CCDC3: variants seen among roughly 807,000 people sequenced by gnomAD.
CCDC3 encodes coiled-coil domain-containing protein 3.
Under a neutral mutation model 21.4 loss-of-function variants are expected in CCDC3, and 24 were observed. The observed-to-expected ratio is 1.12, with a 90% CI of 0.81 to 1.58. CCDC3 has a LOEUF of 1.58. Among genes scored for constraint, CCDC3 ranks in the 40% most tolerant of loss-of-function variants. The pLI is 0.00. For synonymous variants in CCDC3, 186 were observed against 166.0 expected (o/e 1.12, Z -0.93); for missense variants, 425 against 360.9 (o/e 1.18, Z -1.44).
At chr10:12,939,788 AGGCCTGGCC>A (rs1231503018) in intron 2 of CCDC3, among the ~76,000 whole-genome samples, 1 of 152,210 alleles carries the variant, frequency 6.6e-6, no homozygotes, top group Non-Finnish European at 1.5e-5. Flanking sequence ...AATGAAATCA[AGGCCTGGCC>A]AATCTCTTTA....
chr10:12,934,559 C>G (rs1307028473), intron 2 of CCDC3, among the ~76,000 whole-genome samples: 2 of 152,192 alleles, frequency 1.3e-5, no homozygotes, highest in Non-Finnish European at 2.9e-5. Flanking sequence ...ATGTCTCCAA[C>G]TATGATAGTA....
intron 2 of CCDC3, among the ~76,000 whole-genome samples, chr10:12,935,668 ATTTT>A (rs369781761): frequency 2.1e-5 from 3 of 140,914 alleles, no homozygotes; most frequent in South Asian, 2.3e-4. Context: ...ATCCAAGTAC[ATTTT>A]TTTTTTTTTT....
chr10:13,042,976 A>T (rs186690542), intron 5 of CCDC3, among the ~76,000 whole-genome samples: 1 of 152,044 alleles, frequency 6.6e-6, no homozygotes, highest in Non-Finnish European at 1.5e-5. Flanking sequence ...TTAAGTTAAC[A>T]TCTCAAATGT....
At chr10:12,900,942 C>T (rs182356331) in intron 2 of CCDC3, among the ~76,000 whole-genome samples, 65 of 152,172 alleles carry the variant, frequency 4.3e-4, no homozygotes, top group Non-Finnish European at 6.0e-4. Context: ...TGCTGCAGAC[C>T]GATAGCCGAT....
chr10:12,966,759 A>G (rs994099342), intron 2 of CCDC3, among the ~76,000 whole-genome samples: 2 of 152,204 alleles, frequency 1.3e-5, no homozygotes, highest in African/African-American at 4.8e-5. Context: ...TTAAGTCAGA[A>G]AGTGGGTGAG....
chr10:12,903,878 C>T (rs1447006495), intron 2 of CCDC3, among the ~76,000 whole-genome samples: 3 of 152,092 alleles, frequency 2.0e-5, no homozygotes, highest in Non-Finnish European at 4.4e-5. Context: ...AAATATGGGA[C>T]CAACAAAAGG....
rs1239873061 is a variant in CCDC3 at position 12,971,543 on chromosome 10, T to TA, written c.549+26794dup. Among the ~76,000 whole-genome samples, 3 of 152,166 alleles carry TA rather than the reference T, an allele frequency of 2.0e-5. No individual in the cohort carries two copies. The East Asian group carries it at 5.8e-4, about 29-fold the overall frequency. On this transcript the variant is annotated intron_variant, in intron 2 of 2. Transcript: ENST00000378825. ...ATGTCAGCTCCTGGCACTGCTACCC[T>TA]ATTGTCCCCAGCAGCCTCTGTGCCT...
chr10:12,938,757 T>C (rs777560270), intron 2 of CCDC3, among the ~76,000 whole-genome samples: 2 of 152,172 alleles, frequency 1.3e-5, no homozygotes, highest in Non-Finnish European at 2.9e-5. Context: ...CCACCCTCTT[T>C]TTCCCTCCAA....
chr10:13,071,690 G>A (rs1054397280), intron 4 of CCDC3, among the ~76,000 whole-genome samples: 1 of 152,166 alleles, frequency 6.6e-6, no homozygotes, highest in Non-Finnish European at 1.5e-5. Flanking sequence ...AAAGAGGAAC[G>A]CCTCACTTTC....
rs1441247749 is a variant in CCDC3 at position 12,898,419 on chromosome 10, C to A, written c.810G>T (p.Gly270=). The A allele has an allele frequency of 6.3e-7, 1 of 1,598,024 alleles. No homozygotes were observed. Among genetic ancestry groups the A allele is most frequent in the Admixed American group, 1.7e-5 (1 of 58,462 alleles). ...RGPVRPPYLR[G] is the part of the protein sequence containing the mutation. The stretch of plus-strand genomic sequence containing the variant: ...CACCTGGCAGCCCCCAGGCCCGTTA[C>A]CCCCGCAGGTAGGGGGGGCGCACGG... Residue 270 remains glycine (G), a synonymous_variant, in exon 3 of 3, where the codon GGG becomes GGT. Transcript: ENST00000378825.
chr10:13,048,315 C>T (rs867567614), intron 5 of CCDC3, among the ~76,000 whole-genome samples: 1 of 152,076 alleles, frequency 6.6e-6, no homozygotes, highest in Non-Finnish European at 1.5e-5. Flanking sequence ...CCTCAGCCTC[C>T]CTAGTAGCAG....
At chr10:12,963,276 T>C (rs1043434002) in intron 2 of CCDC3, among the ~76,000 whole-genome samples, 17 of 152,304 alleles carry the variant, frequency 1.1e-4, no homozygotes, top group South Asian at 4.1e-4. Flanking sequence ...TTCTGAGATC[T>C]CTTAACCTTG....
At chr10:13,060,775 G>A (rs1193957091) in intron 4 of CCDC3, among the ~76,000 whole-genome samples, 6 of 152,146 alleles carry the variant, frequency 3.9e-5, no homozygotes, top group African/African-American at 9.7e-5. Flanking sequence ...CAAAGTGCTA[G>A]GATTACAGGT....
chr10:12,919,338 C>T (rs1423708697), intron 2 of CCDC3, among the ~76,000 whole-genome samples: 3 of 152,060 alleles, frequency 2.0e-5, no homozygotes, highest in Middle Eastern at 3.2e-3. Context: ...GCCTGTAATC[C>T]CAGCACTTTG....
upstream of CCDC3, among the ~76,000 whole-genome samples, chr10:13,005,746 T>G (rs1445421056): frequency 1.3e-5 from 2 of 152,210 alleles, no homozygotes; most frequent in Non-Finnish European, 2.9e-5. Context: ...AGTGATACAG[T>G]GACTTGTACA....
At chr10:13,052,938 TCA>T (rs56261341) in intron 4 of CCDC3, among the ~76,000 whole-genome samples, 13,248 of 134,214 alleles carry the variant, frequency 0.099, 664 homozygotes, top group East Asian at 0.22. Context: ...TGAGACTCTG[TCA>T]CACACACACA....
At chr10:12,956,135 C>T (rs944742666) in intron 2 of CCDC3, among the ~76,000 whole-genome samples, 1 of 152,150 alleles carries the variant, frequency 6.6e-6, no homozygotes, top group Non-Finnish European at 1.5e-5. Flanking sequence ...TGAGCCACAG[C>T]GCCCAGCCAC....
At chr10:12,918,295 A>C (rs1345505587) in intron 2 of CCDC3, among the ~76,000 whole-genome samples, 2 of 152,210 alleles carry the variant, frequency 1.3e-5, no homozygotes, top group South Asian at 4.1e-4. Flanking sequence ...TTCTTGGCCA[A>C]CGTTTTTAAA....
chr10:12,919,171 G>A (rs1834407364), intron 2 of CCDC3, among the ~76,000 whole-genome samples: 1 of 152,206 alleles, frequency 6.6e-6, no homozygotes, highest in Non-Finnish European at 1.5e-5. Flanking sequence ...TGTATTATGT[G>A]TGTAAAGACC....
Sources: allele counts gnomAD v4.1 joint callset (sites outside exome capture counted in the v4.1 genomes callset), GRCh38; gene constraint gnomAD v4.1.1; transcripts MANE v1.5; gene names NCBI Gene and HGNC (gene_info 2026-07-23, HGNC 2026-07-21).